Variants in CSGALNACT1 observed in about 807,000 individuals in gnomAD.
CSGALNACT1 encodes chondroitin sulfate N-acetylgalactosaminyltransferase 1.
CSGALNACT1 carries 52 observed loss-of-function variants against 51.0 expected under a neutral mutation model. The ratio of observed to expected loss-of-function variants is 1.02; its 90% CI spans 0.82 to 1.29. The LOEUF (loss-of-function observed/expected upper bound fraction) is 1.29. CSGALNACT1 is among the 50% of genes most tolerant of loss of function. The pLI is 0.00. For synonymous variants in CSGALNACT1, 341 were observed against 254.4 expected (o/e 1.34, Z -3.24); for missense variants, 935 against 679.2 (o/e 1.38, Z -4.19).
intron 3 of CSGALNACT1, among the ~76,000 whole-genome samples, chr8:19,555,570 C>A (rs1025713748): frequency 2.6e-5 from 4 of 151,976 alleles, no homozygotes; most frequent in African/African-American, 4.8e-5. Context: ...AATAAACAAA[C>A]AAAAAAACAA....
At chr8:19,672,789 A>G (rs2059893295) in intron 1 of CSGALNACT1, among the ~76,000 whole-genome samples, 2 of 152,208 alleles carry the variant, frequency 1.3e-5, no homozygotes, top group African/African-American at 2.4e-5. Flanking sequence ...AAAGCCTGAA[A>G]ATGATTTGTA....
At chr8:19,633,869 C>A (rs1263900206) in intron 1 of CSGALNACT1, among the ~76,000 whole-genome samples, 1 of 152,194 alleles carries the variant, frequency 6.6e-6, no homozygotes, top group Admixed American at 6.5e-5. Context: ...GCATGCCAAA[C>A]TGGTGGCATG....
chr8:19,598,729 TGCGC>T (rs1255725266), intron 2 of CSGALNACT1, among the ~76,000 whole-genome samples: 1 of 152,206 alleles, frequency 6.6e-6, no homozygotes, highest in Non-Finnish European at 1.5e-5. Flanking sequence ...AGGAAAGTTC[TGCGC>T]CCTGCTCAGG....
chr8:19,739,285 G>A (rs2064167509), intron 1 of CSGALNACT1, among the ~76,000 whole-genome samples: 1 of 151,960 alleles, frequency 6.6e-6, no homozygotes. Context: ...TCAAGTCAAT[G>A]TATGACATTG....
upstream of CSGALNACT1, chr8:19,682,613 G>T: frequency 2.2e-6 from 1 of 453,970 alleles, no homozygotes; most frequent in Non-Finnish European, 4.4e-6. Flanking sequence ...TGGGACTTCA[G>T]AGCCCAAAGA....
At chr8:19,475,322 G>A (rs1167683288) in intron 4 of CSGALNACT1, among the ~76,000 whole-genome samples, 4 of 152,190 alleles carry the variant, frequency 2.6e-5, no homozygotes, top group African/African-American at 9.7e-5. Context: ...AGTCACATAA[G>A]GAGGTCTCAC....
At chr8:19,513,473 T>C (rs887680828) in intron 3 of CSGALNACT1, among the ~76,000 whole-genome samples, 1 of 146,316 alleles carries the variant, frequency 6.8e-6, no homozygotes, top group African/African-American at 2.5e-5. Context: ...TTTTGTGCCA[T>C]CTGCCTGCTG....
upstream of CSGALNACT1, among the ~76,000 whole-genome samples, chr8:19,684,859 A>G (rs936797523): frequency 6.6e-6 from 1 of 152,214 alleles, no homozygotes; most frequent in Non-Finnish European, 1.5e-5. Context: ...CTAAGTAAAT[A>G]TTCACTTTGG....
At chr8:19,585,430 T>C (rs1306144669) in intron 3 of CSGALNACT1, 1 of 152,238 alleles carries the variant, frequency 6.6e-6, no homozygotes, top group Non-Finnish European at 1.5e-5. Context: ...TTGCCTCTGA[T>C]TAAACCTACA....
chr8:19,673,268 C>T (rs149125719), intron 1 of CSGALNACT1, among the ~76,000 whole-genome samples: 49 of 152,312 alleles, frequency 3.2e-4, no homozygotes, highest in Admixed American at 8.5e-4. Context: ...ATTGGTGCTA[C>T]GTAACTACTG....
intron 3 of CSGALNACT1, among the ~76,000 whole-genome samples, chr8:19,530,876 A>G (rs2082638653): frequency 6.6e-6 from 1 of 152,230 alleles, no homozygotes; most frequent in Non-Finnish European, 1.5e-5. Flanking sequence ...TTCAACACAA[A>G]TATTTCCCTG....
At chr8:19,689,011 G>A (rs569790174) in intron 1 of CSGALNACT1, 1 of 152,332 alleles carries the variant, frequency 6.6e-6, no homozygotes, top group Admixed American at 6.5e-5. Context: ...TCATTTAGAA[G>A]CCACAGTTTG....
chr8:19,640,189 C>G (rs1477537930), intron 1 of CSGALNACT1, among the ~76,000 whole-genome samples: 1 of 152,202 alleles, frequency 6.6e-6, no homozygotes. Context: ...CATCTCCCAT[C>G]TCAACCTCTA....
intron 3 of CSGALNACT1, among the ~76,000 whole-genome samples, chr8:19,553,753 G>A (rs553791933): frequency 6.6e-6 from 1 of 150,458 alleles, no homozygotes; most frequent in East Asian, 1.9e-4. Flanking sequence ...GAAACAAATG[G>A]GACCCCAAAG....
intron 1 of CSGALNACT1, among the ~76,000 whole-genome samples, chr8:19,752,020 T>C (rs1251587228): frequency 1.3e-5 from 2 of 149,222 alleles, no homozygotes; most frequent in African/African-American, 2.4e-5. Context: ...AAATTGTCTA[T>C]AGTAGATAAA....
intron 1 of CSGALNACT1, among the ~76,000 whole-genome samples, chr8:19,643,174 A>G (rs28483049): frequency 0.059 from 8,921 of 152,236 alleles, 314 homozygotes; most frequent in South Asian, 0.088. Context: ...AGTAAATTAA[A>G]ATACTGAATA....
At chr8:19,662,074 A>ACCCCCCCCCCCC (rs1159242984) in intron 1 of CSGALNACT1, among the ~76,000 whole-genome samples, 1 of 35,014 alleles carries the variant, frequency 2.9e-5, no homozygotes, top group African/African-American at 1.1e-4. Flanking sequence ...ACCCCCCCCC[A>ACCCCCCCCCCCC]CCCCCCCCCC....
chr8:19,725,425 C>CTTTTTTTTTTTTTT (rs749829348), intron 1 of CSGALNACT1, among the ~76,000 whole-genome samples: 13 of 136,094 alleles, frequency 9.6e-5, no homozygotes, highest in South Asian at 2.4e-4. Flanking sequence ...TTTCTTTTTT[C>CTTTTTTTTTTTTTT]TTTTTTTTTT....
chr8:19,594,917 C>A (rs115562074), intron 2 of CSGALNACT1, among the ~76,000 whole-genome samples: 313 of 152,230 alleles, frequency 2.1e-3, no homozygotes, highest in African/African-American at 7.4e-3. Flanking sequence ...ACCTACCCTC[C>A]AGGCTTGGCC....
Sources: gnomAD v4.1 joint callset for allele counts (sites outside exome capture counted in the v4.1 genomes callset) on GRCh38, gnomAD v4.1.1 for gene constraint, MANE v1.5 for transcripts, NCBI Gene and HGNC (gene_info 2026-07-23, HGNC 2026-07-21) for gene names.